The following NDRG2 variants were observed in gnomAD, a reference collection of about 807,000 sequenced individuals.
NDRG2 encodes NDRG family member 2, also known as protein NDRG2.
In NDRG2, 34 loss-of-function variants were observed where a neutral mutation model predicts 58.2. The ratio of observed to expected loss-of-function variants is 0.58; its 90% CI spans 0.44 to 0.78. The LOEUF (loss-of-function observed/expected upper bound fraction) is 0.78. Among genes scored for constraint, NDRG2 ranks in the 30% least tolerant of loss-of-function variants. NDRG2 has a pLI of 0.00. For missense variants in NDRG2, 434 were observed against 471.2 expected (o/e 0.92, Z 0.73); for synonymous variants, 187 against 175.9 (o/e 1.06, Z -0.50).
chr14:21,031,432 G>C lies in NDRG2; in HGVS notation c.25-8111C>G, dbSNP rs180675343. On this transcript the variant is annotated intron_variant, in intron 1 of 14. Transcript: ENST00000403829. ...AGGCAATTAGGGCTTGGTAGCTTTTGGAGGACATTAGTGTAGAGAATTTGG... is the reference window on the plus strand; with the variant it reads ...AGGCAATTAGGGCTTGGTAGCTTTTCGAGGACATTAGTGTAGAGAATTTGG... 135 of 486,008 alleles carry C rather than the reference G, an allele frequency of 2.8e-4. 1 individual carries two copies. Among genetic ancestry groups the C allele is most frequent in the African/African-American group, 2.0e-3 (100 of 50,964 alleles). The allele number at this position is 486,008 out of a possible 1,614,324, so 30.1% of individuals were successfully genotyped here. A position where few individuals can be genotyped will look rare whatever the true frequency, so the allele number is the denominator to read the frequency against.
intron 1 of NDRG2, chr14:21,032,354 G>C (rs1884271536): frequency 1.9e-6 from 1 of 538,596 alleles, no homozygotes; most frequent in Non-Finnish European, 3.5e-6. Context: ...AATATATTTG[G>C]AGTAAAGAGA....
rs1482773252 is a variant in NDRG2, at chr14:21,070,661, C to CCA, written c.24+165_24+166dup. On this transcript the variant is annotated intron_variant, in intron 1 of 14. Coordinates refer to the NDRG2 transcript ENST00000403829. This position sits in a 1 kb window ranked among gnomAD's most constrained non-coding sequence, Gnocchi z 4.7. Reference sequence around the variant, plus strand: ...TCCTCCCTTGGGTCTCTCCCCTAATCCACACACCTCCCCGCTCCCCGCCCT... The same window carrying CCA: ...TCCTCCCTTGGGTCTCTCCCCTAATCCACACACACCTCCCCGCTCCCCGCCCT... Among the ~76,000 whole-genome samples the CCA allele has an allele frequency of 2.0e-5, 3 of 152,110 alleles. No homozygotes were observed. The highest frequency in any genetic ancestry group is 4.4e-5 in the Non-Finnish European group (3 of 68,010).
At chr14:21,062,948 TA>T (rs36072613) in intron 1 of NDRG2, among the ~76,000 whole-genome samples, 23,723 of 128,108 alleles carry the variant, frequency 0.19, 2,242 homozygotes, top group Admixed American at 0.25. Context: ...ACCTTGTCTC[TA>T]AAAAAAAAAA....
rs1422986016 is a variant in NDRG2, at chr14:21,068,138, T to C, written c.24+2690A>G. ...CCTCAGCCTCCCGAGTAGCTGGGACTACAGGCGCCCGCTACCACGCCCGGC... is the reference window on the plus strand; with the variant it reads ...CCTCAGCCTCCCGAGTAGCTGGGACCACAGGCGCCCGCTACCACGCCCGGC... On this transcript the variant is annotated intron_variant, in intron 1 of 14. Transcript: ENST00000403829. Among the ~76,000 whole-genome samples the C allele has an allele frequency of 4.5e-4, 22 of 49,048 alleles. 10 individuals carry two copies. Among genetic ancestry groups the C allele is most frequent in the Middle Eastern group, 0.015 (2 of 134 alleles). The allele number at this position is 49,048 out of a possible 152,430, so 32.2% of individuals were successfully genotyped here. A position where few individuals can be genotyped will look rare whatever the true frequency, so the allele number is the denominator to read the frequency against.
upstream of NDRG2, among the ~76,000 whole-genome samples, chr14:21,026,558 A>G (rs1483135478): frequency 6.6e-6 from 1 of 150,452 alleles, no homozygotes; most frequent in African/African-American, 2.4e-5. Flanking sequence ...AGGAACATCA[A>G]TGCCCCTTTC....
At chr14:21,053,128 A>G (rs899571429) in intron 1 of NDRG2, among the ~76,000 whole-genome samples, 7 of 152,198 alleles carry the variant, frequency 4.6e-5, no homozygotes, top group African/African-American at 1.4e-4. Flanking sequence ...GGTGCCTGAT[A>G]TAACTGGTAG....
intron 7 of NDRG2, 36 bp downstream of exon 7, chr14:21,020,748 C>T (rs1424085388): frequency 8.7e-6 from 14 of 1,612,800 alleles, no homozygotes; most frequent in East Asian, 4.5e-5. Context: ...TCAGTCTGGA[C>T]CCTCCTTTCC....
chr14:21,021,799 G>C lies in NDRG2; in HGVS notation c.407+18C>G. The C allele has an allele frequency of 6.2e-7, 1 of 1,609,056 alleles. No homozygotes were observed. Among genetic ancestry groups the C allele is most frequent in the South Asian group, 1.1e-5 (1 of 89,968 alleles). ...TGGAAAGAGAACTCTGGTTTGGAGG[G>C]GTTCCCAGGCCTCTCACTTTAGGTA... On this transcript the variant is annotated intron_variant, in intron 6 of 15. Transcript: ENST00000556147.
chr14:21,037,014 C>T (rs1884667154), intron 1 of NDRG2, among the ~76,000 whole-genome samples: 1 of 152,194 alleles, frequency 6.6e-6, no homozygotes, highest in African/African-American at 2.4e-5. Flanking sequence ...CCACCTCTTC[C>T]CTGGTCCCTC....
At chr14:21,051,618 G>T (rs542061484) in intron 1 of NDRG2, among the ~76,000 whole-genome samples, 1 of 152,308 alleles carries the variant, frequency 6.6e-6, no homozygotes, top group South Asian at 2.1e-4. Flanking sequence ...CCATAGGAAG[G>T]CCTCAAAGAA....
chr14:21,031,049 A>G, intron 1 of NDRG2: 1 of 1,613,998 alleles, frequency 6.2e-7, no homozygotes, highest in Non-Finnish European at 8.5e-7. Context: ...TCAACAGTTC[A>G]AAGAGGCAGT....
chr14:21,028,430 T>A (rs556443689), upstream of NDRG2: 1 of 152,218 alleles, frequency 6.6e-6, no homozygotes, highest in East Asian at 1.9e-4. Flanking sequence ...TTTTTTATTA[T>A]TATTTATTTA....
chr14:21,042,993 A>T (rs1348984475), intron 1 of NDRG2: 1 of 1,611,460 alleles, frequency 6.2e-7, no homozygotes, highest in Non-Finnish European at 8.5e-7. Context: ...CCTAAGAGAG[A>T]TGGCACCGGC....
At chr14:21,029,789 C>T (rs964325312), upstream of NDRG2, among the ~76,000 whole-genome samples, 4 of 152,160 alleles carry the variant, frequency 2.6e-5, no homozygotes, top group African/African-American at 4.8e-5. Flanking sequence ...CAAGAAGGTG[C>T]CATCTATGGA....
chr14:21,068,246 G>A lies in NDRG2; in HGVS notation c.24+2582C>T, dbSNP rs1168474831. 1.2e-3 allele frequency among the ~76,000 whole-genome samples: 15 copies of A among 12,312 alleles called. 4 individuals carry two copies. Among genetic ancestry groups the A allele is most frequent in the Admixed American group, 5.1e-3 (2 of 396 alleles). The allele number at this position is 12,312 out of a possible 152,430, so 8.1% of individuals were successfully genotyped here. A position where few individuals can be genotyped will look rare whatever the true frequency, so the allele number is the denominator to read the frequency against. On this transcript the variant is annotated intron_variant, in intron 1 of 14. Coordinates refer to the NDRG2 transcript ENST00000403829. ...GATCTCCTGACCTCGTGATCCGCCC[G>A]CCTCGGCCTCCCAAAGTGCTGGGAT...
chr14:21,057,881 C>T (rs1885749310), intron 1 of NDRG2: 1 of 1,611,100 alleles, frequency 6.2e-7, no homozygotes, highest in Non-Finnish European at 8.5e-7. Context: ...TCCACTGTCT[C>T]CCTTAAGAGA....
intron 1 of NDRG2, chr14:21,031,268 C>G: frequency 7.0e-7 from 1 of 1,433,236 alleles, no homozygotes; most frequent in Non-Finnish European, 9.4e-7. Context: ...GAGACAGGGC[C>G]GAAACAGACT....
At position 21,018,474 on chromosome 14, in the gene NDRG2, G is replaced by T; in HGVS notation, c.844C>A (p.Gln282Lys). 3 of 1,614,094 alleles carry T rather than the reference G, an allele frequency of 1.9e-6. No homozygotes were observed. The highest frequency in any genetic ancestry group is 2.5e-6 in the Non-Finnish European group (3 of 1,180,002). ...VECNSKLDPT[Q>K]TSFLKMADSG... ...TTACTGACCTTGAGGAACGAGGTCT[G>T]GGTGGGGTCCAGTTTTGAGTTACAT... Residue 282 changes from glutamine (Q) to lysine (K), a missense_variant, in exon 13 of 16, where the codon CAG (glutamine) becomes AAG (lysine). Transcript: ENST00000556147.
At chr14:21,019,803 G>C (rs1312266106) in intron 9 of NDRG2, 61 bp from the exon 10 acceptor site, 2 of 1,516,764 alleles carry the variant, frequency 1.3e-6, no homozygotes, top group Non-Finnish European at 1.8e-6. Context: ...ATTACTGGAG[G>C]AAAAGAGGTA....
Sources: allele counts gnomAD v4.1 joint callset (sites outside exome capture counted in the v4.1 genomes callset), GRCh38; gene constraint gnomAD v4.1.1; non-coding constraint Gnocchi (gnomAD v3.1); transcripts MANE v1.5; gene names NCBI Gene and HGNC (gene_info 2026-07-23, HGNC 2026-07-21).